KCNU1: variants seen among roughly 807,000 people sequenced by gnomAD.
The protein encoded by KCNU1 is potassium channel subfamily U member 1.
In KCNU1, 93 loss-of-function variants were observed where a neutral mutation model predicts 126.8. The observed-to-expected ratio is 0.73, with a 90% confidence interval of 0.62 to 0.87. KCNU1 has a LOEUF of 0.87. Among genes scored for constraint, KCNU1 ranks in the 40% least tolerant of loss-of-function variants. KCNU1 has a pLI of 0.00. For missense variants in KCNU1, 1,330 were observed against 1,367.1 expected (o/e 0.97, Z 0.43); for synonymous variants, 523 against 494.2 (o/e 1.06, Z -0.77).
At chr8:36,894,953 A>G (rs1362944621) in intron 19 of KCNU1, among the ~76,000 whole-genome samples, 3 of 152,128 alleles carry the variant, frequency 2.0e-5, no homozygotes, top group Admixed American at 6.6e-5. Context: ...AGAAGTGTCA[A>G]TGGTGAATTT....
intron 8 of KCNU1, among the ~76,000 whole-genome samples, 193 bp from the exon 9 acceptor site, chr8:36,815,403 G>A (rs1803871114): frequency 6.6e-6 from 1 of 152,230 alleles, no homozygotes; most frequent in East Asian, 1.9e-4. Flanking sequence ...ATACAGAAAA[G>A]CCTTATATTA....
chr8:36,825,876 C>T (rs1046439728), intron 10 of KCNU1, among the ~76,000 whole-genome samples: 2 of 151,910 alleles, frequency 1.3e-5, no homozygotes, highest in African/African-American at 2.4e-5. Flanking sequence ...TTACTTCTGA[C>T]TTCTGTTGTT....
intron 24 of KCNU1, among the ~76,000 whole-genome samples, chr8:36,926,266 T>TCCAAGTGTATGTGA (rs1808528993): frequency 6.6e-6 from 1 of 152,172 alleles, no homozygotes; most frequent in Non-Finnish European, 1.5e-5. Flanking sequence ...CCTAGAGTCA[T>TCCAAGTGTATGTGA]TCCTCGCTGC....
chr8:36,845,565 A>AT lies in KCNU1; in HGVS notation c.1704-9dup, dbSNP rs1805111867. 3.3e-6 allele frequency: 5 copies of AT among 1,502,714 alleles called. No homozygotes were observed. Among genetic ancestry groups the AT allele is most frequent in the Non-Finnish European group, 4.6e-6 (5 of 1,081,468 alleles). The allele number at this position is 1,502,714 out of a possible 1,614,324, so 93.1% of individuals were successfully genotyped here. On this transcript the variant is annotated splice_polypyrimidine_tract_variant and intron_variant, in intron 16 of 26. Coordinates refer to ENST00000399881, the MANE Select transcript of KCNU1 (RefSeq NM_001031836.3). ...CAGAGGGAAACATTACCATGTGTTT[A>AT]TTTTTTGTTTCCAGTGGTCTGATAC...
chr8:36,798,966 A>G lies in KCNU1; in HGVS notation c.316-5061A>G, dbSNP rs111511815. ...ACAGAATTTGACTCTTATCGTCGAC[A>G]GTCTGAATCCCAACTCCAAAGAGCA... On this transcript the variant is annotated intron_variant, in intron 2 of 26. Coordinates refer to ENST00000399881, the MANE Select transcript of KCNU1 (RefSeq NM_001031836.3). Among the ~76,000 whole-genome samples, 308 of 152,316 alleles carry G rather than the reference A, an allele frequency of 2.0e-3. 5 individuals carry two copies. Among genetic ancestry groups the G allele is most frequent in the African/African-American group, 7.0e-3 (292 of 41,568 alleles).
chr8:36,814,498 C>T, intron 8 of KCNU1, 121 bp downstream of exon 8: 4 of 715,360 alleles, frequency 5.6e-6, no homozygotes, highest in Non-Finnish European at 9.3e-6. Context: ...GGGCACATGT[C>T]AAGGGCAAAT....
chr8:36,827,861 C>A (rs764049859), intron 10 of KCNU1, among the ~76,000 whole-genome samples: 1 of 151,942 alleles, frequency 6.6e-6, no homozygotes, highest in Non-Finnish European at 1.5e-5. Context: ...GTGTATTGAG[C>A]CCATTGTACC....
intron 18 of KCNU1, among the ~76,000 whole-genome samples, chr8:36,853,794 G>A (rs1299653501): frequency 6.6e-6 from 1 of 151,966 alleles, no homozygotes; most frequent in East Asian, 1.9e-4. Context: ...GTTAAGTATA[G>A]GTTGGTGTGT....
intron 18 of KCNU1, among the ~76,000 whole-genome samples, chr8:36,861,461 G>T (rs991203243): frequency 1.3e-5 from 2 of 152,074 alleles, no homozygotes; most frequent in African/African-American, 4.8e-5. Context: ...AATTTTTATG[G>T]CATTCTGATC....
At chr8:36,849,324 C>G (rs1004926261) in intron 18 of KCNU1, among the ~76,000 whole-genome samples, 1 of 152,206 alleles carries the variant, frequency 6.6e-6, no homozygotes, top group Non-Finnish European at 1.5e-5. Context: ...CACAGTGGCT[C>G]ATGCCTGTAA....
At chr8:36,906,046 T>G (rs1451927678) in intron 20 of KCNU1, among the ~76,000 whole-genome samples, 1 of 152,176 alleles carries the variant, frequency 6.6e-6, no homozygotes, top group Admixed American at 6.6e-5. Context: ...TCTTCAACTA[T>G]TTCCTCTCTC....
intron 18 of KCNU1, among the ~76,000 whole-genome samples, chr8:36,863,536 G>A (rs1219952513): frequency 6.6e-6 from 1 of 152,170 alleles, no homozygotes; most frequent in Non-Finnish European, 1.5e-5. Context: ...AAATTGAAGA[G>A]AAGCATTTAA....
intron 6 of KCNU1, 27 bp downstream of exon 6, chr8:36,807,477 T>C: frequency 6.6e-7 from 1 of 1,507,120 alleles, no homozygotes; most frequent in Non-Finnish European, 9.2e-7. Context: ...GAAGTACTGC[T>C]TACTTATTAG....
At chr8:36,809,433 A>C (rs1220728695) in intron 7 of KCNU1, among the ~76,000 whole-genome samples, 1 of 152,252 alleles carries the variant, frequency 6.6e-6, no homozygotes, top group East Asian at 1.9e-4. Flanking sequence ...TGAGATAAAC[A>C]AAACAGAATG....
At chr8:36,852,830 A>G (rs1402988102) in intron 18 of KCNU1, among the ~76,000 whole-genome samples, 1 of 152,054 alleles carries the variant, frequency 6.6e-6, no homozygotes, top group African/African-American at 2.4e-5. Flanking sequence ...TAAACTTGCT[A>G]CAATGTTTAT....
chr8:36,883,550 G>A lies in KCNU1; in HGVS notation c.2009+19029G>A, dbSNP rs533474913. ...TGTAATCCCAGCACTTGGGAAGGCA[G>A]AGGTGGGAGGATCACTTGAGCCCAG... On this transcript the variant is annotated intron_variant, in intron 19 of 26. Coordinates refer to ENST00000399881, the MANE Select transcript of KCNU1 (RefSeq NM_001031836.3). 9.9e-5 allele frequency among the ~76,000 whole-genome samples: 15 copies of A among 152,270 alleles called. No homozygotes were observed. The South Asian group carries it at 3.1e-3, about 32-fold the overall frequency.
chr8:36,893,506 AACATATTCTGTGAATAAGGATATTT>A (rs1381329399), intron 19 of KCNU1, among the ~76,000 whole-genome samples: 2 of 152,080 alleles, frequency 1.3e-5, no homozygotes, highest in African/African-American at 4.8e-5. Context: ...CTCAAATAGT[AACATATTCTGTGAATAAGGATATTT>A]AACAGCTTCA....
intron 26 of KCNU1, among the ~76,000 whole-genome samples, chr8:36,933,612 T>A (rs1425554747): frequency 6.6e-6 from 1 of 151,656 alleles, no homozygotes; most frequent in Non-Finnish European, 1.5e-5. Context: ...CAGACTAAGA[T>A]CCTCACAGTG....
intron 14 of KCNU1, among the ~76,000 whole-genome samples, chr8:36,838,202 A>T (rs1249583784): frequency 6.6e-6 from 1 of 152,166 alleles, no homozygotes; most frequent in African/African-American, 2.4e-5. Flanking sequence ...GTTGATAAGG[A>T]CACTGTCATT....
Sources: allele counts gnomAD v4.1 joint callset (sites outside exome capture counted in the v4.1 genomes callset), GRCh38; gene constraint gnomAD v4.1.1; transcripts MANE v1.5; gene names NCBI Gene and HGNC (gene_info 2026-07-23, HGNC 2026-07-21).